The following MAGI1 variants were observed in gnomAD, a reference collection of about 807,000 sequenced individuals.
The protein encoded by MAGI1 is membrane-associated guanylate kinase, WW and PDZ domain-containing protein 1.
MAGI1 carries 58 observed loss-of-function variants against 139.9 expected under a neutral mutation model. The ratio of observed to expected loss-of-function variants is 0.41; its 90% confidence interval spans 0.34 to 0.52. MAGI1 has a LOEUF of 0.52. Ranked by LOEUF, MAGI1 falls within the 20% of genes least tolerant of loss-of-function variation. The probability of loss-of-function intolerance (pLI) is 0.12; values close to 1 mark genes in which losing one functional copy is unlikely to be tolerated. For synonymous variants in MAGI1, 812 were observed against 737.9 expected, an observed-to-expected ratio of 1.10 and a Z score of -1.63; for missense variants, 1,874 against 1,901.6, an observed-to-expected ratio of 0.99 and a Z score of 0.27.
At chr3:65,851,194 G>C (rs1038801369) in intron 1 of MAGI1, among the ~76,000 whole-genome samples, 5 of 152,132 alleles carry the variant, frequency 3.3e-5, no homozygotes, top group African/African-American at 9.7e-5. Context: ...CCTGGAGTTT[G>C]ACTAAATGAG....
intron 1 of MAGI1, among the ~76,000 whole-genome samples, chr3:65,656,401 T>A (rs1242003343): frequency 6.6e-6 from 1 of 152,226 alleles, no homozygotes; most frequent in Non-Finnish European, 1.5e-5. Context: ...GTTTTCAAAG[T>A]GTCTCAGATT....
At chr3:65,762,335 G>A (rs945731811) in intron 1 of MAGI1, among the ~76,000 whole-genome samples, 2 of 152,176 alleles carry the variant, frequency 1.3e-5, no homozygotes, top group East Asian at 3.9e-4. Flanking sequence ...GATGATAAAG[G>A]AGATACATGT....
chr3:65,360,684 T>C (rs2106711871), intron 22 of MAGI1: 1 of 987,062 alleles, frequency 1.0e-6, no homozygotes. Context: ...AGACACCAGT[T>C]GGGGGATGGA....
At chr3:65,710,269 C>CTTTTTTTTTTTTTTTTTTTTT (rs1175790063) in intron 1 of MAGI1, among the ~76,000 whole-genome samples, 2 of 66,876 alleles carry the variant, frequency 3.0e-5, no homozygotes, top group African/African-American at 1.3e-4. Flanking sequence ...CCTTACATTT[C>CTTTTTTTTTTTTTTTTTTTTT]TTTTTTTTTT....
chr3:65,765,413 TA>T (rs2037385924), intron 1 of MAGI1, among the ~76,000 whole-genome samples: 1 of 152,212 alleles, frequency 6.6e-6, no homozygotes, highest in South Asian at 2.1e-4. Context: ...CACTGCTTAT[TA>T]AGCTCCAGAG....
chr3:65,824,441 C>A (rs1302914261), intron 1 of MAGI1, among the ~76,000 whole-genome samples: 1 of 152,162 alleles, frequency 6.6e-6, no homozygotes, highest in African/African-American at 2.4e-5. Flanking sequence ...ACGAGGGGCC[C>A]AGCAGGTATA....
chr3:65,769,741 C>A (rs1577059129), intron 1 of MAGI1, among the ~76,000 whole-genome samples: 1 of 152,258 alleles, frequency 6.6e-6, no homozygotes, highest in Admixed American at 6.5e-5. Flanking sequence ...TAAGTGTCTA[C>A]CTGGGTTTAA....
intron 10 of MAGI1, among the ~76,000 whole-genome samples, chr3:65,434,118 G>C (rs777480954): frequency 6.6e-6 from 1 of 152,170 alleles, no homozygotes; most frequent in Non-Finnish European, 1.5e-5. Context: ...TCAAACAGAA[G>C]TTAAACTATT....
chr3:65,447,988 T>C, intron 7 of MAGI1, 34 bp downstream of exon 7: 6 of 1,613,260 alleles, frequency 3.7e-6, no homozygotes, highest in Non-Finnish European at 4.2e-6. Context: ...GTCATGCACG[T>C]GTCATGCAGC....
chr3:65,812,480 A>ACACACACACATG (rs1553711426), intron 1 of MAGI1, among the ~76,000 whole-genome samples: 4 of 146,110 alleles, frequency 2.7e-5, no homozygotes, highest in South Asian at 2.3e-4. Flanking sequence ...ACACACACAC[A>ACACACACACATG]CACACACACA....
intron 1 of MAGI1, among the ~76,000 whole-genome samples, chr3:65,814,167 A>G (rs1010411684): frequency 2.0e-5 from 3 of 152,140 alleles, no homozygotes; most frequent in African/African-American, 4.8e-5. Context: ...CTAAAGATAT[A>G]GATTACTCTG....
chr3:65,671,607 A>G (rs2107464507), intron 1 of MAGI1, among the ~76,000 whole-genome samples: 1 of 152,320 alleles, frequency 6.6e-6, no homozygotes, highest in African/African-American at 2.4e-5. Flanking sequence ...ACTGATTCAG[A>G]GAATCAGAGT....
intron 2 of MAGI1, among the ~76,000 whole-genome samples, chr3:65,534,412 C>A (rs2078857748): frequency 6.6e-6 from 1 of 152,020 alleles, no homozygotes; most frequent in South Asian, 2.1e-4. Context: ...ATTATCTGAG[C>A]CCAGGAGTTC....
rs115512160 is a variant in MAGI1, at chr3:65,633,805, T to C, written c.314-11717A>G. Among the ~76,000 whole-genome samples the C allele has an allele frequency of 7.6e-3, 1,157 of 152,282 alleles. 12 individuals carry two copies. Among genetic ancestry groups the C allele is most frequent in the African/African-American group, 0.027 (1,116 of 41,548 alleles). ...CAATGTTCCCCTATTGGTAAAGTAATATAGCTGATGTGAGCTTATGGCATG... is the reference window on the plus strand; with the variant it reads ...CAATGTTCCCCTATTGGTAAAGTAACATAGCTGATGTGAGCTTATGGCATG... On this transcript the variant is annotated intron_variant, in intron 1 of 22. Coordinates refer to ENST00000402939, the MANE Select transcript of MAGI1 (RefSeq NM_001033057.2).
rs906613778 is a variant in MAGI1, at chr3:65,842,424, A to C, written c.313+195572T>G. Among the ~76,000 whole-genome samples, 25 of 151,256 alleles carry C rather than the reference A, an allele frequency of 1.7e-4. No homozygotes were observed. In the East Asian group the frequency reaches 4.9e-3, roughly 30 times the overall value. On this transcript the variant is annotated intron_variant, in intron 1 of 22. Coordinates refer to ENST00000402939, the MANE Select transcript of MAGI1 (RefSeq NM_001033057.2). ...TGCCCAGGCTGGAGTGCAATGGCGCAATCTCGACTCACCACAACCTCCGCC... is the reference window on the plus strand; with the variant it reads ...TGCCCAGGCTGGAGTGCAATGGCGCCATCTCGACTCACCACAACCTCCGCC...
intron 1 of MAGI1, among the ~76,000 whole-genome samples, chr3:65,732,576 C>T (rs991688201): frequency 2.6e-5 from 4 of 152,098 alleles, no homozygotes; most frequent in East Asian, 1.9e-4. Flanking sequence ...AATCACAGCG[C>T]GGCACTTACC....
intron 12 of MAGI1, among the ~76,000 whole-genome samples, chr3:65,427,487 T>C (rs72626922): frequency 0.14 from 21,690 of 152,110 alleles, 1,764 homozygotes; most frequent in South Asian, 0.27. Flanking sequence ...ACCACATCAA[T>C]AACAGAAATG....
In MAGI1 at chr3:65,516,718, C is replaced by CTTTTTTTTTTTT. The variant is rs71102867; in HGVS notation, c.431-23099_431-23088dup. Among the ~76,000 whole-genome samples, 42 of 66,998 alleles carry CTTTTTTTTTTTT rather than the reference C, an allele frequency of 6.3e-4. 2 individuals are homozygous for CTTTTTTTTTTTT. Among genetic ancestry groups the CTTTTTTTTTTTT allele is most frequent in the African/African-American group, 2.2e-3 (38 of 17,574 alleles). 44.0% of individuals were successfully genotyped at this position (66,998 alleles called of 152,430 possible). A position where few individuals can be genotyped will look rare whatever the true frequency, so the allele number is the denominator to read the frequency against. ...GGAAGAAACATAGTACATCCCACCTCTTTTTTTTTTTTTTTTTTTTTTTTT... is the reference window on the plus strand; with the variant it reads ...GGAAGAAACATAGTACATCCCACCTCTTTTTTTTTTTTTTTTTTTTTTTTTTTTTTTTTTTTT... On this transcript the variant is annotated intron_variant, in intron 2 of 22. Transcript: ENST00000402939.
intron 1 of MAGI1, among the ~76,000 whole-genome samples, chr3:65,729,041 G>A (rs1238879610): frequency 6.9e-6 from 1 of 144,670 alleles, no homozygotes; most frequent in East Asian, 2.1e-4. Context: ...TTTGGACCTG[G>A]CATGGTCTGA....
Sources: gnomAD v4.1 joint callset for allele counts (sites outside exome capture counted in the v4.1 genomes callset) on GRCh38, gnomAD v4.1.1 for gene constraint, MANE v1.5 for transcripts, NCBI Gene and HGNC (gene_info 2026-07-23, HGNC 2026-07-21) for gene names.